The following CHAT variants were observed in gnomAD, a reference collection of about 807,000 sequenced individuals.
CHAT encodes choline O-acetyltransferase.
A neutral mutation model predicts 76.9 loss-of-function variants in CHAT; 61 were observed. The observed-to-expected ratio is 0.79, with a 90% CI of 0.65 to 0.98. CHAT has a LOEUF of 0.98. Among genes scored for constraint, CHAT ranks in the 50% least tolerant of loss-of-function variants. The probability of loss-of-function intolerance (pLI) is 0.00; values close to 1 mark genes in which losing one functional copy is unlikely to be tolerated. For synonymous variants in CHAT, 407 were observed against 397.4 expected, an observed-to-expected ratio of 1.02 and a Z score of -0.29; for missense variants, 946 against 986.9, an observed-to-expected ratio of 0.96 and a Z score of 0.56.
intron 7 of CHAT, among the ~76,000 whole-genome samples, chr10:49,635,883 T>A (rs1839278674): frequency 6.6e-6 from 1 of 152,124 alleles, no homozygotes; most frequent in Non-Finnish European, 1.5e-5. Context: ...GGATACCTAC[T>A]CTTACCACTC....
rs1039505311 is a variant in CHAT at position 49,666,583 on chromosome 10, A to C, written c.*1537A>C. Among the ~76,000 whole-genome samples the C allele has an allele frequency of 2.0e-5, 3 of 152,054 alleles. No homozygotes were observed. The highest frequency in any genetic ancestry group is 4.8e-5 in the African/African-American group (2 of 41,416). Reference sequence around the variant, plus strand: ...CACTGTGAAGGCTCTCCACACTTCGACCTGGACTGTCACAGGCTGGCAGAG... The same window carrying C: ...CACTGTGAAGGCTCTCCACACTTCGCCCTGGACTGTCACAGGCTGGCAGAG... On this transcript the variant is annotated 3_prime_UTR_variant, in exon 15 of 15. Transcript: ENST00000337653.
chr10:49,652,608 A>G (rs888817004), intron 11 of CHAT, among the ~76,000 whole-genome samples: 2 of 152,166 alleles, frequency 1.3e-5, no homozygotes, highest in African/African-American at 4.8e-5. Flanking sequence ...CACTGCTTCC[A>G]GTGTTGCCCC....
At chr10:49,632,080 G>T (rs1255235432) in intron 7 of CHAT, among the ~76,000 whole-genome samples, 1 of 152,176 alleles carries the variant, frequency 6.6e-6, no homozygotes, top group Non-Finnish European at 1.5e-5. Context: ...GCCCTGGGGT[G>T]CATGAGTGTG....
intron 7 of CHAT, among the ~76,000 whole-genome samples, chr10:49,633,089 G>A (rs1436639614): frequency 2.6e-5 from 4 of 152,224 alleles, no homozygotes; most frequent in Non-Finnish European, 4.4e-5. Context: ...GTCCACAGAG[G>A]AACTTGAAGC....
At chr10:49,645,238 T>C (rs914026425) in intron 7 of CHAT, among the ~76,000 whole-genome samples, 3 of 152,168 alleles carry the variant, frequency 2.0e-5, no homozygotes, top group African/African-American at 7.2e-5. Context: ...AACCTTTCCC[T>C]GCAAATGCCA....
chr10:49,636,327 T>C (rs1839293356), intron 7 of CHAT, among the ~76,000 whole-genome samples: 1 of 152,118 alleles, frequency 6.6e-6, no homozygotes, highest in South Asian at 2.1e-4. Flanking sequence ...GATTTTCAGA[T>C]ATTGAACCAG....
upstream of CHAT, among the ~76,000 whole-genome samples, chr10:49,609,456 G>A (rs1304348356): frequency 6.6e-6 from 1 of 151,984 alleles, no homozygotes; most frequent in Non-Finnish European, 1.5e-5. Flanking sequence ...TTAGAGTGGG[G>A]AGGGGGTGCG....
chr10:49,614,843 G>C (rs1255730808), intron 1 of CHAT, among the ~76,000 whole-genome samples: 6 of 152,250 alleles, frequency 3.9e-5, no homozygotes, highest in African/African-American at 4.8e-5. Context: ...GGGAGCAGGG[G>C]GTGGGGAAGG....
chr10:49,622,034 G>GCGGGAGA, intron 4 of CHAT, 63 bp from the exon 5 acceptor site: 1 of 1,498,592 alleles, frequency 6.7e-7, no homozygotes, highest in Non-Finnish European at 9.3e-7. Context: ...AGGCAGAAGG[G>GCGGGAGA]AGGGAGGGAG....
intron 7 of CHAT, among the ~76,000 whole-genome samples, chr10:49,632,690 G>C (rs3793790): frequency 3.3e-5 from 5 of 151,922 alleles, no homozygotes; most frequent in African/African-American, 1.2e-4. Context: ...TTTCCACCCC[G>C]ACCCTCCATT....
At position 49,665,023 on chromosome 10, in the gene CHAT, C is replaced by A; in HGVS notation, c.2224C>A (p.Pro742Thr). ...GGCAACAAAGGAAAAAGCCACGAGG[C>A]CCAGCCAGGGACACCAACCTTGACT... ...PLATKEKATR[P>T]SQGHQP The change falls in exon 15 of 15, where the codon CCC (proline) becomes ACC (threonine). Residue 742 changes from proline to threonine, a missense_variant. Transcript: ENST00000337653. The A allele has an allele frequency of 6.2e-7, 1 of 1,614,088 alleles. No individual in the cohort carries two copies. Among genetic ancestry groups the A allele is most frequent in the Non-Finnish European group, 8.5e-7 (1 of 1,180,038 alleles).
chr10:49,655,811 C>A (rs975339062), intron 13 of CHAT, among the ~76,000 whole-genome samples: 1 of 152,180 alleles, frequency 6.6e-6, no homozygotes, highest in African/African-American at 2.4e-5. Flanking sequence ...ACACACCTTC[C>A]CCAATCTCAG....
At chr10:49,651,615 C>G in intron 10 of CHAT, 1 of 462,072 alleles carries the variant, frequency 2.2e-6, no homozygotes, top group East Asian at 4.3e-5. Flanking sequence ...GCCAGGCCCA[C>G]CTCCCCACCC....
upstream of CHAT, chr10:49,610,644 C>G (rs1838263648): frequency 2.4e-6 from 3 of 1,273,444 alleles, no homozygotes; most frequent in East Asian, 5.5e-5. Context: ...TCGGCCAGGA[C>G]AGCCTCCCCG....
In CHAT at chr10:49,649,607, C is replaced by T; in HGVS notation, c.1482C>T (p.His494=). ...RWKCSPEIQG[H]LASSAEKLQR... is the part of the protein sequence containing the mutation. ...AATGCTCCCCGGAAATTCAAGGCCA[C>T]TTAGCCTCCTCGGCAGAAAAACTTC... is the stretch of plus-strand genomic sequence containing the variant. Residue 494 remains histidine (H), a synonymous_variant, in exon 10 of 15, where the codon CAC becomes CAT. Coordinates refer to ENST00000337653, the MANE Select transcript of CHAT (RefSeq NM_020549.5). 6.2e-7 allele frequency: 1 copy of T among 1,613,914 alleles called. No homozygotes were observed. The highest frequency in any genetic ancestry group is 8.5e-7 in the Non-Finnish European group (1 of 1,180,048).
chr10:49,655,228 G>A lies in CHAT; in HGVS notation c.1768G>A (p.Ala590Thr). The A allele has an allele frequency of 6.2e-7, 1 of 1,614,042 alleles. No individual in the cohort carries two copies. The highest frequency in any genetic ancestry group is 8.5e-7 in the Non-Finnish European group (1 of 1,180,044). The change falls in exon 12 of 15, where the codon GCT (alanine) becomes ACT (threonine). Residue 590 changes from alanine (A) to threonine (T), a missense_variant. Coordinates refer to ENST00000337653, the MANE Select transcript of CHAT (RefSeq NM_020549.5). ...FVRAVTDHKAAVPASEKLLLL... is the reference protein window; with the variant it reads ...FVRAVTDHKATVPASEKLLLL... ...GAGAGCCGTGACTGACCACAAGGCT[G>A]CTGTGCCAGTAAGTCCCGCCCCACC...
chr10:49,613,546 A>C (rs1351104262), upstream of CHAT, among the ~76,000 whole-genome samples: 2 of 152,144 alleles, frequency 1.3e-5, no homozygotes, highest in Non-Finnish European at 2.9e-5. Context: ...CCTGTGTGTT[A>C]GCTGCGCCTG....
rs867084609 is a variant in CHAT, at chr10:49,649,655, T to G, written c.1511+19T>G. The G allele has an allele frequency of 1.1e-5, 17 of 1,613,438 alleles. No homozygotes were observed. In the Middle Eastern group the frequency reaches 2.6e-3, roughly 250 times the overall value. On this transcript the variant is annotated intron_variant, in intron 10 of 14. Transcript: ENST00000337653. ...TTCAACGGTAAGGATAACCGAAGTC[T>G]CCTTTGAGGGGTCCCCTAGGGACCA...
intron 8 of CHAT, 94 bp from the exon 9 acceptor site, chr10:49,648,413 T>C (rs1839750495): frequency 1.2e-6 from 1 of 820,698 alleles, no homozygotes. Context: ...GGAGAAGAGG[T>C]GCCCTGAGAA....
Sources: allele counts gnomAD v4.1 joint callset (sites outside exome capture counted in the v4.1 genomes callset), GRCh38; gene constraint gnomAD v4.1.1; transcripts MANE v1.5; gene names NCBI Gene and HGNC (gene_info 2026-07-23, HGNC 2026-07-21).